CA1: variants seen among roughly 807,000 people sequenced by gnomAD.
CA1 encodes the protein carbonate dehydratase I.
CA1 carries 27 observed loss-of-function variants against 28.8 expected under a neutral mutation model. That is an observed-to-expected ratio of 0.94 (90% CI 0.69 to 1.29). The LOEUF is 1.29. CA1 is among the 50% of genes most tolerant of loss of function. The pLI is 0.00. For missense variants in CA1, 335 were observed against 310.5 expected (o/e 1.08, Z -0.59); for synonymous variants, 121 against 108.8 (o/e 1.11, Z -0.70).
rs915995124 is a variant in CA1 at position 85,352,733 on chromosome 8, C to T, written c.-24-11074G>A. On this transcript the variant is annotated intron_variant, in intron 1 of 7. Transcript: ENST00000523022. ...CCAGGCTGGAGTGCAGTGGTGTGAT[C>T]TCAGCTCACTGCAACCTCTGCCTCC... 1.2e-4 allele frequency among the ~76,000 whole-genome samples: 18 copies of T among 148,852 alleles called. 2 individuals carry two copies. The South Asian group carries it at 3.8e-3, about 31-fold the overall frequency.
intron 1 of CA1, among the ~76,000 whole-genome samples, chr8:85,372,737 C>T (rs1453251752): frequency 6.6e-6 from 1 of 152,172 alleles, no homozygotes; most frequent in Non-Finnish European, 1.5e-5. Context: ...TTTTCAATTG[C>T]ATGCCATTCT....
At chr8:85,343,002 G>A (rs1808988998) in intron 1 of CA1, 2 of 152,092 alleles carry the variant, frequency 1.3e-5, no homozygotes, top group Admixed American at 6.6e-5. Context: ...GTAAGCATAA[G>A]AAGATATTGC....
chr8:85,349,775 G>A (rs1013526680), intron 1 of CA1: 1 of 152,274 alleles, frequency 6.6e-6, no homozygotes, highest in Admixed American at 6.5e-5. Context: ...CAGTGTAGCT[G>A]GTGAATGCAT....
At chr8:85,363,484 G>A (rs1809880636) in intron 1 of CA1, among the ~76,000 whole-genome samples, 1 of 152,174 alleles carries the variant, frequency 6.6e-6, no homozygotes, top group Admixed American at 6.5e-5. Context: ...GCCTCCAAAT[G>A]AATTGGTGAT....
Position 85,337,054 on chromosome 8 carries a change from C to A in CA1, c.245G>T (p.Gly82Val). ...CCTGTAGCTGTCAGAGAAAGGACCA[C>A]CTTTCAGCACTGGAAGAAAAGGGAA... The part of the protein sequence containing the change: ...EDNDNRSVLK[G>V]GPFSDSYRLF... The change falls in exon 4 of 8, where the codon GGT (glycine) becomes GTT (valine). Residue 82 changes from glycine (G) to valine (V), a missense_variant. Transcript: ENST00000523022. 6.3e-7 allele frequency: 1 copy of A among 1,596,404 alleles called. No individual in the cohort carries two copies. Among genetic ancestry groups the A allele is most frequent in the Non-Finnish European group, 8.6e-7 (1 of 1,163,962 alleles).
intron 1 of CA1, among the ~76,000 whole-genome samples, chr8:85,365,182 T>C (rs562854223): frequency 6.6e-6 from 1 of 152,238 alleles, no homozygotes; most frequent in Non-Finnish European, 1.5e-5. Context: ...TAATACCTGC[T>C]TGTGAGACGA....
chr8:85,341,939 G>A (rs775700053), intron 1 of CA1: 8 of 264,666 alleles, frequency 3.0e-5, no homozygotes, highest in African/African-American at 4.4e-5. Flanking sequence ...ACTCATGTTA[G>A]TAGAAGATAT....
rs758755442 is a variant in CA1, at chr8:85,328,728, C to T, written c.670-52G>A. On this transcript the variant is annotated intron_variant, in intron 7 of 7. Coordinates refer to ENST00000523022, the MANE Select transcript of CA1 (RefSeq NM_001128831.4). ...AAAAAGTTTTTAAAGTTACATAAAG[C>T]GTTTTATTTACAGGATTACTAACGC... The T allele has an allele frequency of 3.6e-5, 43 of 1,185,020 alleles. No individual in the cohort carries two copies. In the South Asian group the frequency reaches 3.7e-4, roughly 10 times the overall value. The allele number at this position is 1,185,020 out of a possible 1,614,324, so 73.4% of individuals were successfully genotyped here.
At chr8:85,355,774 T>G (rs926660420) in intron 1 of CA1, among the ~76,000 whole-genome samples, 1 of 152,086 alleles carries the variant, frequency 6.6e-6, no homozygotes, top group Non-Finnish European at 1.5e-5. Context: ...TTTATTTATT[T>G]TGTTTTAATG....
At chr8:85,337,579 G>A (rs1176091922) in intron 3 of CA1, among the ~76,000 whole-genome samples, 1 of 152,020 alleles carries the variant, frequency 6.6e-6, no homozygotes, top group Non-Finnish European at 1.5e-5. Flanking sequence ...GGGGCAGTGG[G>A]GCACTTATAA....
At position 85,341,723 on chromosome 8, in the gene CA1, T is replaced by C. The variant is rs1447111107; in HGVS notation, c.-24-64A>G. On this transcript the variant is annotated intron_variant, in intron 1 of 7. Transcript: ENST00000523022. ...CTGTGCATGCAGGAGATGCCTTAAATCCCTGCTTGGGCGTTTTTATAGAAA... is the reference window on the plus strand; with the variant it reads ...CTGTGCATGCAGGAGATGCCTTAAACCCCTGCTTGGGCGTTTTTATAGAAA... 2.2e-5 allele frequency: 20 copies of C among 892,406 alleles called. No individual in the cohort carries two copies. The Admixed American group carries it at 3.4e-4, about 15-fold the overall frequency. The allele number at this position is 892,406 out of a possible 1,614,324, so 55.3% of individuals were successfully genotyped here.
At chr8:85,363,424 G>T (rs1809877472) in intron 1 of CA1, among the ~76,000 whole-genome samples, 2 of 152,162 alleles carry the variant, frequency 1.3e-5, no homozygotes, top group Non-Finnish European at 2.9e-5. Flanking sequence ...CAGCCTTTCT[G>T]CTAAAGTGAG....
At chr8:85,355,574 T>TA (rs1325608881) in intron 1 of CA1, among the ~76,000 whole-genome samples, 1 of 133,776 alleles carries the variant, frequency 7.5e-6, no homozygotes, top group Non-Finnish European at 1.6e-5. Context: ...TTTTTTTTTT[T>TA]ACTTTCAGTA....
chr8:85,373,035 T>A (rs923742435), intron 1 of CA1, among the ~76,000 whole-genome samples: 13 of 152,142 alleles, frequency 8.5e-5, no homozygotes, highest in South Asian at 2.1e-4. Flanking sequence ...GCTCTTGGCT[T>A]AATAAGGAGA....
chr8:85,352,665 C>A (rs957436596), intron 1 of CA1, among the ~76,000 whole-genome samples: 1 of 141,240 alleles, frequency 7.1e-6, no homozygotes. Flanking sequence ...CCCTCAGCTC[C>A]ATTTTTTTTT....
At chr8:85,364,141 A>G (rs1310951651) in intron 1 of CA1, among the ~76,000 whole-genome samples, 3 of 152,020 alleles carry the variant, frequency 2.0e-5, no homozygotes, top group Non-Finnish European at 2.9e-5. Context: ...GCACCTGGCT[A>G]TTAACCCCAA....
intron 1 of CA1, among the ~76,000 whole-genome samples, chr8:85,353,254 A>G (rs553983003): frequency 5.2e-4 from 79 of 152,346 alleles, no homozygotes; most frequent in African/African-American, 1.7e-3. Context: ...TGAGTTTCTC[A>G]CACATTGTGA....
At position 85,332,969 on chromosome 8, in the gene CA1, T is replaced by C. The variant is rs538215627; in HGVS notation, c.451-417A>G. ...GCTATAATTTCAAGAGTTACTTGGTTACCCGGGCATACCCAATTTAATAAT... is the reference window on the plus strand; with the variant it reads ...GCTATAATTTCAAGAGTTACTTGGTCACCCGGGCATACCCAATTTAATAAT... On this transcript the variant is annotated intron_variant, in intron 5 of 7. Transcript: ENST00000523022. Among the ~76,000 whole-genome samples, 3 of 152,284 alleles carry C rather than the reference T, an allele frequency of 2.0e-5. No individual in the cohort carries two copies. In the South Asian group the frequency reaches 6.2e-4, roughly 32 times the overall value.
At chr8:85,346,311 C>G (rs1809181613) in intron 1 of CA1, among the ~76,000 whole-genome samples, 1 of 152,120 alleles carries the variant, frequency 6.6e-6, no homozygotes, top group East Asian at 1.9e-4. Context: ...GTTAATAGTA[C>G]TATCCCCGTA....
Sources: gnomAD v4.1 joint callset for allele counts (sites outside exome capture counted in the v4.1 genomes callset) on GRCh38, gnomAD v4.1.1 for gene constraint, MANE v1.5 for transcripts, NCBI Gene and HGNC (gene_info 2026-07-23, HGNC 2026-07-21) for gene names.